NACC2: variants seen among roughly 807,000 people sequenced by gnomAD.
NACC2 encodes the protein NACC family member 2.
Under a neutral mutation model 25.1 loss-of-function variants are expected in NACC2, and 8 were observed. That is an observed-to-expected ratio of 0.32 (90% CI 0.19 to 0.57). The LOEUF is 0.57. Among genes scored for constraint, NACC2 ranks in the 20% least tolerant of loss-of-function variants. The probability of loss-of-function intolerance (pLI) is 0.89; values close to 1 mark genes in which losing one functional copy is unlikely to be tolerated. For missense variants in NACC2, 644 were observed against 650.2 expected, an observed-to-expected ratio of 0.99 and a Z score of 0.10; for synonymous variants, 435 against 294.7, an observed-to-expected ratio of 1.48 and a Z score of -4.88.
chr9:136,076,393 C>CT (rs1830262748), intron 1 of NACC2, among the ~76,000 whole-genome samples: 1 of 152,208 alleles, frequency 6.6e-6, no homozygotes, highest in Non-Finnish European at 1.5e-5. Flanking sequence ...GATGCACCCC[C>CT]CAGCCCGGTG....
In NACC2 at chr9:136,049,759, G is replaced by T. The variant is rs1840788192; in HGVS notation, c.763C>A (p.Pro255Thr). Residue 255 changes from proline (P) to threonine (T), a missense_variant, in exon 2 of 6, where the codon CCC becomes ACC. Transcript: ENST00000277554. ...TACGAGGTGGGGCTGTCGGTGGTGGGCAGGCTGCTGGCGCCTGGACTGGTC... is the reference window on the plus strand; with the variant it reads ...TACGAGGTGGGGCTGTCGGTGGTGGTCAGGCTGCTGGCGCCTGGACTGGTC... The part of the protein sequence containing the change: ...ERTSPGASSL[P>T]TTDSPTSYHN... The T allele has an allele frequency of 2.6e-6, 2 of 777,280 alleles. No homozygotes were observed. Among genetic ancestry groups the T allele is most frequent in the Non-Finnish European group, 4.8e-6 (2 of 416,992 alleles). 48.1% of individuals were successfully genotyped at this position (777,280 alleles called of 1,614,324 possible).
chr9:136,082,234 C>T (rs1437474198), intron 1 of NACC2, among the ~76,000 whole-genome samples: 4 of 152,200 alleles, frequency 2.6e-5, no homozygotes, highest in African/African-American at 9.6e-5. Flanking sequence ...TCAGGACCAT[C>T]GGTGTGGCCA....
intron 1 of NACC2, among the ~76,000 whole-genome samples, chr9:136,066,845 G>A (rs1006941187): frequency 6.6e-5 from 10 of 151,274 alleles, no homozygotes; most frequent in African/African-American, 2.2e-4. Context: ...TACGCTAAGC[G>A]AAACATTACG....
chr9:136,033,575 G>C (rs980065861), intron 2 of NACC2, among the ~76,000 whole-genome samples: 1 of 150,592 alleles, frequency 6.6e-6, no homozygotes, highest in African/African-American at 2.4e-5. Context: ...GCTTGAATTC[G>C]GGAGTTGGAG....
chr9:136,024,075 G>C (rs1840337304), intron 2 of NACC2, among the ~76,000 whole-genome samples: 1 of 151,940 alleles, frequency 6.6e-6, no homozygotes, highest in Non-Finnish European at 1.5e-5. Context: ...TGAGGCCAGA[G>C]TGTGAGTGAG....
At chr9:136,063,070 G>A (rs576895806) in intron 1 of NACC2, among the ~76,000 whole-genome samples, 13 of 152,258 alleles carry the variant, frequency 8.5e-5, no homozygotes, top group Admixed American at 2.0e-4. Context: ...TTTTGTTCTC[G>A]TTGTTGTTGT....
chr9:136,043,696 G>A (rs1045268920), intron 2 of NACC2, among the ~76,000 whole-genome samples: 3 of 152,220 alleles, frequency 2.0e-5, no homozygotes, highest in African/African-American at 4.8e-5. Flanking sequence ...TGGGGTAGAC[G>A]ACTCTGTGCA....
intron 2 of NACC2, among the ~76,000 whole-genome samples, chr9:136,024,585 CAG>C (rs1323553030): frequency 6.6e-6 from 1 of 151,480 alleles, no homozygotes; most frequent in Non-Finnish European, 1.5e-5. Flanking sequence ...TGTGTAAGGA[CAG>C]AGTGTGCATG....
chr9:136,045,203 C>T (rs1431666451), intron 2 of NACC2, among the ~76,000 whole-genome samples: 1 of 152,220 alleles, frequency 6.6e-6, no homozygotes, highest in Non-Finnish European at 1.5e-5. Flanking sequence ...CCATGCCCTG[C>T]AGAGAGGCAC....
chr9:136,067,608 C>T lies in NACC2; in HGVS notation c.-59-17028G>A, dbSNP rs533603127. On this transcript the variant is annotated intron_variant, in intron 1 of 5. Coordinates refer to ENST00000277554, the MANE Select transcript of NACC2 (RefSeq NM_144653.5). ...ATCCCAGCAATTTGGGAAGCCAAGG[C>T]GGGCAGATCACGAGGTCAAGAGATC... is the stretch of plus-strand genomic sequence containing the variant. 8.0e-4 allele frequency among the ~76,000 whole-genome samples: 114 copies of T among 142,888 alleles called. 1 individual carries two copies. The highest frequency in any genetic ancestry group is 4.2e-4 in the East Asian group (2 of 4,798). The allele number at this position is 142,888 out of a possible 152,430, so 93.7% of individuals were successfully genotyped here. A position where few individuals can be genotyped will look rare whatever the true frequency, so the allele number is the denominator to read the frequency against.
intron 1 of NACC2, among the ~76,000 whole-genome samples, chr9:136,053,894 C>T (rs961198029): frequency 2.8e-5 from 4 of 141,012 alleles, no homozygotes; most frequent in South Asian, 4.1e-4. Context: ...CTGACACAGA[C>T]AGCAAGGGAC....
At chr9:136,066,773 T>TATCC (rs1390651668) in intron 1 of NACC2, among the ~76,000 whole-genome samples, 2 of 152,214 alleles carry the variant, frequency 1.3e-5, no homozygotes, top group South Asian at 4.1e-4. Flanking sequence ...AAATGTGGAA[T>TATCC]ATCCATACAA....
At chr9:136,071,199 CTCCA>C (rs1475851251) in intron 1 of NACC2, among the ~76,000 whole-genome samples, 1 of 151,362 alleles carries the variant, frequency 6.6e-6, no homozygotes, top group Non-Finnish European at 1.5e-5. Flanking sequence ...TGCCACTACA[CTCCA>C]TCCAGCCTGG....
At chr9:136,087,141 C>A (rs936103638) in intron 1 of NACC2, among the ~76,000 whole-genome samples, 3 of 152,220 alleles carry the variant, frequency 2.0e-5, no homozygotes, top group Admixed American at 2.0e-4. Context: ...CCAAGAAAGG[C>A]CCAGGACAGT....
chr9:136,013,109 G>GTTCACGCCATTCTCCTGCTTC lies in NACC2; in HGVS notation c.1255+89_1255+90insGAAGCAGGAGAATGGCGTGAA, dbSNP rs1840138073. 8.9e-7 allele frequency: 1 copy of GTTCACGCCATTCTCCTGCTTC among 1,129,800 alleles called. No individual in the cohort carries two copies. Among genetic ancestry groups the GTTCACGCCATTCTCCTGCTTC allele is most frequent in the East Asian group, 2.5e-5 (1 of 40,810 alleles). The allele number at this position is 1,129,800 out of a possible 1,614,324, so 70.0% of individuals were successfully genotyped here. On this transcript the variant is annotated intron_variant, in intron 5 of 5. Transcript: ENST00000277554. The surrounding 1 kb of genome is among the most constrained non-coding windows in gnomAD (Gnocchi z 6.6). ...AGGGACGGAAGCTGCAGGTGGCCGG[G>GTTCACGCCATTCTCCTGCTTC]AGCACCCCCGCGGCCCACCCAGTCC...
At chr9:136,046,914 A>G (rs1421378939) in intron 2 of NACC2, among the ~76,000 whole-genome samples, 2 of 152,216 alleles carry the variant, frequency 1.3e-5, no homozygotes, top group African/African-American at 2.4e-5. Context: ...ACAGGAGAAC[A>G]GCCCTACAGG....
At position 136,007,356 on chromosome 9, in the gene NACC2, CAG is replaced by C. The variant is rs1374674018; in HGVS notation, c.*4158_*4159del. Reference sequence around the variant, plus strand: ...TGACGTGCACGCGCGTGCACACACACAGACACACGCGTGCACACATACACAGA... The same window carrying C: ...TGACGTGCACGCGCGTGCACACACACACACACGCGTGCACACATACACAGA... On this transcript the variant is annotated 3_prime_UTR_variant, in exon 6 of 6. Coordinates refer to ENST00000277554, the MANE Select transcript of NACC2 (RefSeq NM_144653.5). 1.3e-5 allele frequency: 2 copies of C among 151,764 alleles called. No homozygotes were observed. The highest frequency in any genetic ancestry group is 3.0e-5 in the Non-Finnish European group (2 of 66,556). 9.4% of individuals were successfully genotyped at this position (151,764 alleles called of 1,614,324 possible). A position where few individuals can be genotyped will look rare whatever the true frequency, so the allele number is the denominator to read the frequency against.
In NACC2 at chr9:136,056,763, G is replaced by C. The variant is rs561103628; in HGVS notation, c.-59-6183C>G. Reference sequence around the variant, plus strand: ...GCCCAGGCCGGGCTCTCTCCGTTCAGCCAGGTCCCTAGGCGGCTTCTACCC... The same window carrying C: ...GCCCAGGCCGGGCTCTCTCCGTTCACCCAGGTCCCTAGGCGGCTTCTACCC... On this transcript the variant is annotated intron_variant, in intron 1 of 5. Transcript: ENST00000277554. Among the ~76,000 whole-genome samples, 4 of 152,316 alleles carry C rather than the reference G, an allele frequency of 2.6e-5. No individual in the cohort carries two copies. The South Asian group carries it at 8.3e-4, about 32-fold the overall frequency.
chr9:136,028,085 C>T (rs1011563162), intron 2 of NACC2, among the ~76,000 whole-genome samples: 19 of 151,886 alleles, frequency 1.3e-4, no homozygotes, highest in Admixed American at 3.9e-4. Context: ...CATGGTGAAA[C>T]CCCCATCTCT....
Sources: allele counts gnomAD v4.1 joint callset (sites outside exome capture counted in the v4.1 genomes callset), GRCh38; gene constraint gnomAD v4.1.1; non-coding constraint Gnocchi (gnomAD v3.1); transcripts MANE v1.5; gene names NCBI Gene and HGNC (gene_info 2026-07-23, HGNC 2026-07-21).